FMN2: variants seen among roughly 807,000 people sequenced by gnomAD.
FMN2 encodes formin-2.
A neutral mutation model predicts 142.3 loss-of-function variants in FMN2; 51 were observed. That is an observed-to-expected ratio of 0.36 (90% CI 0.29 to 0.45). The LOEUF (loss-of-function observed/expected upper bound fraction) is 0.45, where lower values mean the gene tolerates loss of function less well. Ranked by LOEUF, FMN2 falls within the 20% of genes least tolerant of loss-of-function variation. The pLI is 1.00. For synonymous variants in FMN2, 882 were observed against 869.8 expected (o/e 1.01, Z -0.25); for missense variants, 1,936 against 2,122.8 (o/e 0.91, Z 1.73).
chr1:240,121,734 G>GGAAAAAAAA (rs1662263099), intron 1 of FMN2, among the ~76,000 whole-genome samples: 1 of 6,602 alleles, frequency 1.5e-4, no homozygotes, highest in African/African-American at 8.5e-4. Context: ...TAGGGAAATA[G>GGAAAAAAAA]TAAAAAAAAA....
intron 13 of FMN2, among the ~76,000 whole-genome samples, chr1:240,345,893 T>G (rs1671894233): frequency 1.3e-5 from 2 of 152,170 alleles, no homozygotes; most frequent in African/African-American, 2.4e-5. Context: ...GGCATTCATA[T>G]TGATAGCAAC....
At chr1:240,236,516 C>T (rs1667716540) in intron 6 of FMN2, among the ~76,000 whole-genome samples, 1 of 152,178 alleles carries the variant, frequency 6.6e-6, no homozygotes, top group African/African-American at 2.4e-5. Context: ...TTATTTGGCT[C>T]ATGGTTCTGT....
intron 11 of FMN2, among the ~76,000 whole-genome samples, chr1:240,332,635 G>A (rs1013312529): frequency 1.3e-5 from 2 of 151,942 alleles, no homozygotes; most frequent in African/African-American, 2.4e-5. Context: ...ATAATCAAGA[G>A]GTAATCTAAA....
chr1:240,380,349 G>T (rs1393308590), intron 14 of FMN2, among the ~76,000 whole-genome samples: 1 of 152,040 alleles, frequency 6.6e-6, no homozygotes, highest in Non-Finnish European at 1.5e-5. Flanking sequence ...AACTACACAA[G>T]CATGTGGAAA....
intron 2 of FMN2, among the ~76,000 whole-genome samples, chr1:240,151,620 A>G (rs1246836083): frequency 2.0e-5 from 3 of 152,116 alleles, no homozygotes; most frequent in Non-Finnish European, 2.9e-5. Flanking sequence ...TTGCTTAAGA[A>G]AATCTTTATG....
chr1:240,326,516 T>G (rs534459185), intron 8 of FMN2, among the ~76,000 whole-genome samples: 104 of 152,336 alleles, frequency 6.8e-4, no homozygotes, highest in Admixed American at 2.8e-3. Context: ...AGCCATCTTT[T>G]TGCGCTTACA....
intron 14 of FMN2, among the ~76,000 whole-genome samples, chr1:240,365,846 A>C (rs1006958039): frequency 1.1e-4 from 17 of 152,268 alleles, no homozygotes; most frequent in Non-Finnish European, 2.4e-4. Context: ...AATGAACTTT[A>C]CTTAACACAT....
At chr1:240,378,018 C>T (rs910060105) in intron 14 of FMN2, among the ~76,000 whole-genome samples, 2 of 152,060 alleles carry the variant, frequency 1.3e-5, no homozygotes, top group African/African-American at 2.4e-5. Flanking sequence ...TTCCCCACTC[C>T]TTCCCCATCT....
intron 2 of FMN2, among the ~76,000 whole-genome samples, chr1:240,172,849 C>G (rs549980513): frequency 6.6e-6 from 1 of 152,206 alleles, no homozygotes; most frequent in African/African-American, 2.4e-5. Context: ...CAGCCTCTGC[C>G]TATATTGACC....
intron 14 of FMN2, among the ~76,000 whole-genome samples, chr1:240,389,038 C>T (rs1673514920): frequency 6.6e-6 from 1 of 152,120 alleles, no homozygotes; most frequent in African/African-American, 2.4e-5. Flanking sequence ...GGAAATCTGC[C>T]ATCCTGATCA....
At chr1:240,254,990 G>A (rs933256203) in intron 6 of FMN2, among the ~76,000 whole-genome samples, 7 of 152,144 alleles carry the variant, frequency 4.6e-5, no homozygotes, top group African/African-American at 9.7e-5. Flanking sequence ...CCTGATCTCC[G>A]GGTGGCTCCC....
intron 15 of FMN2, among the ~76,000 whole-genome samples, chr1:240,393,418 A>G (rs1673674528): frequency 6.6e-6 from 1 of 152,128 alleles, no homozygotes; most frequent in East Asian, 1.9e-4. Flanking sequence ...TGGCAAACGT[A>G]ATAGAAAAAT....
At chr1:240,438,338 A>G in intron 16 of FMN2, 128 bp downstream of exon 16, 3 of 1,004,038 alleles carry the variant, frequency 3.0e-6, no homozygotes, top group Non-Finnish European at 4.3e-6. Flanking sequence ...TAGCAAGTTG[A>G]AGAGGATGCT....
At chr1:240,368,202 C>T (rs898875664) in intron 14 of FMN2, among the ~76,000 whole-genome samples, 1 of 152,070 alleles carries the variant, frequency 6.6e-6, no homozygotes, top group Non-Finnish European at 1.5e-5. Flanking sequence ...AGATTTATGC[C>T]TCCTCTTGGT....
intron 15 of FMN2, among the ~76,000 whole-genome samples, chr1:240,402,211 T>A (rs1674016555): frequency 6.6e-6 from 1 of 152,248 alleles, no homozygotes; most frequent in Non-Finnish European, 1.5e-5. Context: ...ATTAGAATTG[T>A]CTTCTATAAA....
rs893143022 is a variant in FMN2 at position 240,438,202 on chromosome 1, A to T, written c.5052A>T (p.Leu1684=). ...DFWKKENKLL[L]QERVKEAEEV... ...GGAAGAAAGAGAACAAACTTCTTCTACAAGAGAGGTAGGTATTTTCATTTG... is the reference window on the plus strand; with the variant it reads ...GGAAGAAAGAGAACAAACTTCTTCTTCAAGAGAGGTAGGTATTTTCATTTG... Residue 1684 remains leucine, a synonymous_variant, in exon 16 of 18, where the codon CTA becomes CTT. Transcript: ENST00000319653. The T allele has an allele frequency of 3.1e-6, 5 of 1,612,944 alleles. No individual in the cohort carries two copies. The African/African-American group carries it at 6.7e-5, about 22-fold the overall frequency.
intron 14 of FMN2, among the ~76,000 whole-genome samples, chr1:240,391,147 C>T (rs1537849): frequency 0.54 from 82,273 of 151,782 alleles, 23,696 homozygotes; most frequent in African/African-American, 0.75. Flanking sequence ...TAACAATTGA[C>T]CTGTAAGTTT....
intron 4 of FMN2, among the ~76,000 whole-genome samples, chr1:240,205,442 G>A (rs1666299009): frequency 6.7e-6 from 1 of 150,296 alleles, no homozygotes; most frequent in Non-Finnish European, 1.5e-5. Context: ...CCCTTAAGAA[G>A]GCAATGCTCT....
chr1:240,185,320 T>C (rs1046870544), intron 3 of FMN2, among the ~76,000 whole-genome samples: 1 of 152,210 alleles, frequency 6.6e-6, no homozygotes, highest in Admixed American at 6.5e-5. Flanking sequence ...AGTTATTCTG[T>C]ACATCTCTTT....
Sources: gnomAD v4.1 joint callset for allele counts (sites outside exome capture counted in the v4.1 genomes callset) on GRCh38, gnomAD v4.1.1 for gene constraint, MANE v1.5 for transcripts, NCBI Gene and HGNC (gene_info 2026-07-23, HGNC 2026-07-21) for gene names.